OSBPL1A: variants seen among roughly 807,000 people sequenced by gnomAD.
OSBPL1A encodes the protein oxysterol binding protein like 1A.
A neutral mutation model predicts 137.1 loss-of-function variants in OSBPL1A; 80 were observed. That is an observed-to-expected ratio of 0.58 (90% CI 0.49 to 0.70). The LOEUF (loss-of-function observed/expected upper bound fraction) is 0.70, where lower values mean the gene tolerates loss of function less well. OSBPL1A is among the 30% of genes least tolerant of loss of function. The pLI, the probability that OSBPL1A is intolerant of heterozygous loss-of-function variation, is 0.00. For synonymous variants in OSBPL1A, 365 were observed against 389.7 expected (o/e 0.94, Z 0.75); for missense variants, 970 against 1,129.4 (o/e 0.86, Z 2.02).
At chr18:24,168,605 T>C (rs1224175715) in intron 24 of OSBPL1A, among the ~76,000 whole-genome samples, 1 of 152,200 alleles carries the variant, frequency 6.6e-6, no homozygotes, top group Non-Finnish European at 1.5e-5. Context: ...GGGTAAGTCA[T>C]AGTCCCAGCA....
chr18:24,329,209 G>C (rs1439460135), intron 7 of OSBPL1A, among the ~76,000 whole-genome samples: 4 of 152,078 alleles, frequency 2.6e-5, no homozygotes, highest in African/African-American at 9.7e-5. Context: ...TCACACCACT[G>C]CACTCCAGCC....
intron 14 of OSBPL1A, among the ~76,000 whole-genome samples, chr18:24,291,824 A>G (rs1473110998): frequency 6.6e-6 from 1 of 151,718 alleles, no homozygotes; most frequent in Non-Finnish European, 1.5e-5. Context: ...AGACTGAGGC[A>G]GGTGGATCAC....
At chr18:24,338,431 T>C (rs2091218056) in intron 5 of OSBPL1A, among the ~76,000 whole-genome samples, 1 of 152,110 alleles carries the variant, frequency 6.6e-6, no homozygotes. Flanking sequence ...GCGTTAGTAA[T>C]AGTGCCTAAC....
At chr18:24,365,036 A>C (rs1281193121) in intron 4 of OSBPL1A, among the ~76,000 whole-genome samples, 3 of 151,726 alleles carry the variant, frequency 2.0e-5, no homozygotes, top group Admixed American at 6.6e-5. Context: ...AAAAAAAAAA[A>C]AAAAAAAAAA....
chr18:24,371,086 TATA>T (rs1178776863), intron 2 of OSBPL1A, among the ~76,000 whole-genome samples: 1 of 152,166 alleles, frequency 6.6e-6, no homozygotes, highest in East Asian at 1.9e-4. Context: ...CTGGCTTCAC[TATA>T]ATATCTGTCA....
Position 24,345,443 on chromosome 18 carries a change from T to C in OSBPL1A, c.283-3785A>G, listed in dbSNP as rs569795029. ...GGCTCACGCCTGTAATCCCAGCACTTTGAGAGGCCGAGGTGGGCGGATCAC... is the reference window on the plus strand; with the variant it reads ...GGCTCACGCCTGTAATCCCAGCACTCTGAGAGGCCGAGGTGGGCGGATCAC... On this transcript the variant is annotated intron_variant, in intron 4 of 27. Coordinates refer to ENST00000319481, the MANE Select transcript of OSBPL1A (RefSeq NM_080597.4). 3.9e-5 allele frequency among the ~76,000 whole-genome samples: 6 copies of C among 152,250 alleles called. No homozygotes were observed. The South Asian group carries it at 6.2e-4, about 16-fold the overall frequency.
intron 15 of OSBPL1A, among the ~76,000 whole-genome samples, chr18:24,255,217 C>T (rs2146033509): frequency 6.6e-6 from 1 of 152,302 alleles, no homozygotes; most frequent in South Asian, 2.1e-4. Context: ...CAAAAAGTCT[C>T]CCAGTAAAGA....
chr18:24,366,892 C>G lies in OSBPL1A; in HGVS notation c.282G>C (p.Lys94Asn). 6.2e-7 allele frequency: 1 copy of G among 1,611,006 alleles called. No homozygotes were observed. Among genetic ancestry groups the G allele is most frequent in the East Asian group, 2.2e-5 (1 of 44,714 alleles). ...ACATTGAACATAGAATGATTTTCACCTTTCGTCCTGTAAAGGCAGCTCGAT... is the reference window on the plus strand; with the variant it reads ...ACATTGAACATAGAATGATTTTCACGTTTCGTCCTGTAAAGGCAGCTCGAT... ...PLHRAAFTGRKELVMLLLEYN... is the reference protein window; with the variant it reads ...PLHRAAFTGRNELVMLLLEYN... Residue 94 changes from lysine (K) to asparagine (N), a missense_variant and splice_region_variant, in exon 4 of 28, where the codon AAG (lysine) becomes AAC (asparagine). Lys to Asn is a moderately conservative substitution (Grantham distance 94). Coordinates refer to ENST00000319481, the MANE Select transcript of OSBPL1A (RefSeq NM_080597.4).
intron 18 of OSBPL1A, among the ~76,000 whole-genome samples, chr18:24,192,277 T>C (rs760808694): frequency 1.3e-5 from 2 of 151,934 alleles, no homozygotes; most frequent in African/African-American, 2.4e-5. Flanking sequence ...AGCAAAGGGA[T>C]GGAGGAGAAG....
chr18:24,296,732 A>G (rs2090298959), intron 14 of OSBPL1A, among the ~76,000 whole-genome samples: 1 of 152,184 alleles, frequency 6.6e-6, no homozygotes, highest in African/African-American at 2.4e-5. Context: ...GGATTTTATC[A>G]AATGCTTTTT....
At chr18:24,381,066 G>A (rs779101883) in intron 1 of OSBPL1A, among the ~76,000 whole-genome samples, 11 of 152,202 alleles carry the variant, frequency 7.2e-5, no homozygotes, top group African/African-American at 2.2e-4. Flanking sequence ...AGTGATACTC[G>A]TTAAAGCATG....
chr18:24,266,237 G>A (rs16940612), intron 15 of OSBPL1A, among the ~76,000 whole-genome samples: 11,047 of 152,050 alleles, frequency 0.073, 686 homozygotes, highest in African/African-American at 0.16. Context: ...CTTTCCCCAC[G>A]CTCTCCCTGG....
chr18:24,306,238 A>G (rs1338313407), intron 13 of OSBPL1A, among the ~76,000 whole-genome samples: 1 of 152,168 alleles, frequency 6.6e-6, no homozygotes, highest in East Asian at 1.9e-4. Context: ...CCACATTTAC[A>G]ACACAGGTCT....
chr18:24,350,736 TGAGA>T (rs1403266745), intron 4 of OSBPL1A, among the ~76,000 whole-genome samples: 2 of 152,192 alleles, frequency 1.3e-5, no homozygotes, highest in Non-Finnish European at 2.9e-5. Context: ...TCCAAAATTC[TGAGA>T]GAAAGTGATT....
intron 19 of OSBPL1A, 30 bp downstream of exon 19, chr18:24,181,115 A>G (rs767411973): frequency 6.2e-7 from 1 of 1,608,912 alleles, no homozygotes; most frequent in Non-Finnish European, 8.5e-7. Context: ...GGTCTCTAAG[A>G]GTTAGACCTT....
At chr18:24,256,787 A>G (rs1465472484) in intron 15 of OSBPL1A, among the ~76,000 whole-genome samples, 1 of 152,144 alleles carries the variant, frequency 6.6e-6, no homozygotes, top group African/African-American at 2.4e-5. Context: ...TCAACATACA[A>G]AAATCAGTAG....
At chr18:24,307,859 AG>A (rs2090534080) in intron 13 of OSBPL1A, among the ~76,000 whole-genome samples, 1 of 149,522 alleles carries the variant, frequency 6.7e-6, no homozygotes, top group South Asian at 2.1e-4. Context: ...GTGCGATCTC[AG>A]CTCACTGCAG....
At chr18:24,316,759 G>A (rs1251844740) in intron 11 of OSBPL1A, among the ~76,000 whole-genome samples, 2 of 152,084 alleles carry the variant, frequency 1.3e-5, no homozygotes, top group Non-Finnish European at 2.9e-5. Context: ...CAACCACCAT[G>A]ACTGAATTAA....
intron 10 of OSBPL1A, 30 bp downstream of exon 10, chr18:24,317,296 AT>A (rs1203123939): frequency 1.2e-6 from 2 of 1,607,768 alleles, no homozygotes. Flanking sequence ...ATACAGTGAA[AT>A]TTGATAAGTG....
Sources: gnomAD v4.1 joint callset for allele counts (sites outside exome capture counted in the v4.1 genomes callset) on GRCh38, gnomAD v4.1.1 for gene constraint, MANE v1.5 for transcripts, NCBI Gene and HGNC (gene_info 2026-07-23, HGNC 2026-07-21) for gene names.